Variants in BCL11B observed in about 807,000 individuals in gnomAD.
BCL11B encodes the protein BCL11 transcription factor B.
A neutral mutation model predicts 49.9 loss-of-function variants in BCL11B; 8 were observed. The ratio of observed to expected loss-of-function variants is 0.16; its 90% CI spans 0.09 to 0.29. BCL11B has a LOEUF of 0.29. BCL11B is among the 10% of genes least tolerant of loss of function. The probability of loss-of-function intolerance (pLI) is 1.00; values close to 1 mark genes in which losing one functional copy is unlikely to be tolerated. For missense variants in BCL11B, 1,006 were observed against 1,351.0 expected, an observed-to-expected ratio of 0.74 and a Z score of 4.00; for synonymous variants, 739 against 637.4, an observed-to-expected ratio of 1.16 and a Z score of -2.40.
chr14:99,249,658 A>G (rs1306850501), intron 2 of BCL11B, among the ~76,000 whole-genome samples: 3 of 152,202 alleles, frequency 2.0e-5, no homozygotes, highest in Non-Finnish European at 2.9e-5. Context: ...GACCCTACTC[A>G]CCGCTGTGTG....
chr14:99,257,512 G>A lies in BCL11B; in HGVS notation c.386C>T (p.Ser129Leu). The A allele has an allele frequency of 6.2e-7, 1 of 1,611,950 alleles. No homozygotes were observed. The highest frequency in any genetic ancestry group is 2.2e-5 in the East Asian group (1 of 44,776). The change falls in exon 2 of 4, where the codon TCA becomes TTA. Residue 129 changes from serine to leucine, a missense_variant. Ser to Leu is a moderately radical substitution (Grantham distance 145). Coordinates refer to ENST00000357195, the MANE Select transcript of BCL11B (RefSeq NM_138576.4). This position sits in a 1 kb window ranked among gnomAD's most constrained non-coding sequence, Gnocchi z 6.2. ...CTTGGGACAGATGCCTTTCGTGGGT[G>A]AGAGCAGGTGGTCATCTTCGTCGGG... The part of the protein sequence containing the change: ...VTPDEDDHLL[S>L]PTKGICPKQE...
Position 99,231,642 on chromosome 14 carries a change from G to T in BCL11B, c.428-85C>A. On this transcript the variant is annotated intron_variant, in intron 2 of 3. Transcript: ENST00000357195. The surrounding 1 kb of genome is among the most constrained non-coding windows in gnomAD (Gnocchi z 8.1). ...GGGGTGGGACGGGGCTCGGGGCGTG[G>T]GGCTCTGCTCAGGCCACCCTTCGGG... 1 of 1,397,256 alleles carries T rather than the reference G, an allele frequency of 7.2e-7. No homozygotes were observed. Among genetic ancestry groups the T allele is most frequent in the Non-Finnish European group, 9.8e-7 (1 of 1,020,434 alleles). 86.6% of individuals were successfully genotyped at this position (1,397,256 alleles called of 1,614,324 possible). A position where few individuals can be genotyped will look rare whatever the true frequency, so the allele number is the denominator to read the frequency against.
Position 99,174,271 on chromosome 14 carries a change from G to A in BCL11B, c.2565C>T (p.Arg855=), listed in dbSNP as rs1486593673. ...TGAAGGGCATCTGGCAGATGTCGCA[G>A]CGGTACACCTCCTTGCCGATCTGCC... is the stretch of plus-strand genomic sequence containing the variant. The part of the protein sequence containing the change: ...THGQIGKEVY[R]CDICQMPFSV... Residue 855 remains arginine (R), a synonymous_variant, in exon 4 of 4, where the codon CGC becomes CGT. Coordinates refer to ENST00000357195, the MANE Select transcript of BCL11B (RefSeq NM_138576.4). 2.5e-6 allele frequency: 4 copies of A among 1,613,674 alleles called. No homozygotes were observed. Among genetic ancestry groups the A allele is most frequent in the Non-Finnish European group, 3.4e-6 (4 of 1,180,036 alleles).
At chr14:99,199,835 T>C (rs1479010652) in intron 3 of BCL11B, among the ~76,000 whole-genome samples, 1 of 152,166 alleles carries the variant, frequency 6.6e-6, no homozygotes, top group Non-Finnish European at 1.5e-5. Flanking sequence ...ACAATTATTT[T>C]ATGGGTCCAC....
chr14:99,259,369 T>C (rs866320395), intron 1 of BCL11B, among the ~76,000 whole-genome samples: 8 of 152,360 alleles, frequency 5.3e-5, no homozygotes, highest in Middle Eastern at 3.4e-3. Context: ...TAAATCACTG[T>C]TCTCTATTTT....
At chr14:99,220,995 C>T (rs956629938) in intron 3 of BCL11B, among the ~76,000 whole-genome samples, 19 of 152,020 alleles carry the variant, frequency 1.2e-4, no homozygotes, top group Non-Finnish European at 2.1e-4. Context: ...GGACTATAGG[C>T]GCCCGCCACC....
intron 2 of BCL11B, among the ~76,000 whole-genome samples, chr14:99,234,142 G>A (rs1428903990): frequency 6.6e-6 from 1 of 152,176 alleles, no homozygotes; most frequent in African/African-American, 2.4e-5. Context: ...GCAGTTGCCA[G>A]GGGCTGGGGG....
At chr14:99,271,003 C>T (rs983052347) in intron 1 of BCL11B, among the ~76,000 whole-genome samples, 158 bp downstream of exon 1, 2 of 151,824 alleles carry the variant, frequency 1.3e-5, no homozygotes, top group Admixed American at 6.5e-5. Flanking sequence ...CTATGGCCCC[C>T]GCCCCCCGCC....
chr14:99,238,460 C>T (rs1888567736), intron 2 of BCL11B, among the ~76,000 whole-genome samples: 3 of 152,222 alleles, frequency 2.0e-5, no homozygotes, highest in African/African-American at 7.2e-5. Flanking sequence ...CCTTTCTGCA[C>T]CCTGACCCAA....
intron 2 of BCL11B, among the ~76,000 whole-genome samples, chr14:99,255,405 GAAA>G (rs67440207): frequency 0.029 from 1,897 of 65,042 alleles, 29 homozygotes; most frequent in Admixed American, 0.056. Flanking sequence ...TCACAACCTG[GAAA>G]AAAAAAAAAA....
intron 3 of BCL11B, among the ~76,000 whole-genome samples, chr14:99,178,005 G>A (rs989762291): frequency 6.6e-6 from 1 of 152,108 alleles, no homozygotes; most frequent in Non-Finnish European, 1.5e-5. Flanking sequence ...CCTGAAACTG[G>A]ACTTGCCAGT....
intron 3 of BCL11B, among the ~76,000 whole-genome samples, chr14:99,222,114 A>G (rs370111715): frequency 3.3e-5 from 5 of 152,218 alleles, no homozygotes; most frequent in African/African-American, 1.2e-4. Flanking sequence ...TGTAAAATAT[A>G]CACAGAACAC....
intron 3 of BCL11B, among the ~76,000 whole-genome samples, chr14:99,178,028 G>A (rs1316326500): frequency 2.6e-5 from 4 of 152,128 alleles, no homozygotes; most frequent in Non-Finnish European, 4.4e-5. Flanking sequence ...CTGAGGGGCC[G>A]GGACCTCCCC....
intron 3 of BCL11B, among the ~76,000 whole-genome samples, chr14:99,201,572 T>C (rs1887384712): frequency 6.6e-6 from 1 of 152,148 alleles, no homozygotes; most frequent in Admixed American, 6.5e-5. Flanking sequence ...CCAGTCCCTG[T>C]CCTGGCCCTG....
At chr14:99,219,111 G>A (rs1040757846) in intron 3 of BCL11B, among the ~76,000 whole-genome samples, 10 of 151,364 alleles carry the variant, frequency 6.6e-5, no homozygotes, top group African/African-American at 1.5e-4. Flanking sequence ...GCACGATCTC[G>A]GCTCATGGCA....
chr14:99,214,428 C>T (rs1205338482), intron 3 of BCL11B, among the ~76,000 whole-genome samples: 3 of 151,910 alleles, frequency 2.0e-5, no homozygotes, highest in African/African-American at 7.3e-5. Context: ...CATGGTGGTG[C>T]ATGCCCATAA....
intron 3 of BCL11B, among the ~76,000 whole-genome samples, chr14:99,214,443 A>C (rs1887772599): frequency 6.6e-6 from 1 of 151,966 alleles, no homozygotes; most frequent in Non-Finnish European, 1.5e-5. Context: ...CCATAATCCC[A>C]GCTACTTAGG....
rs1429406530 is a variant in BCL11B, at chr14:99,248,644, G to A, written c.427+8827C>T. ...CACAGCCTGGGGCAGAAAGACCTAA[G>A]CTTTCAATCTAACAGTTTTCATTTT... On this transcript the variant is annotated intron_variant, in intron 2 of 3. Transcript: ENST00000357195. The surrounding 1 kb of genome is among the most constrained non-coding windows in gnomAD (Gnocchi z 4.7). Among the ~76,000 whole-genome samples, 1 of 152,192 alleles carries A rather than the reference G, an allele frequency of 6.6e-6. No individual in the cohort carries two copies. Among genetic ancestry groups the A allele is most frequent in the African/African-American group, 2.4e-5 (1 of 41,454 alleles).
At chr14:99,180,978 T>C (rs1886682814) in intron 3 of BCL11B, among the ~76,000 whole-genome samples, 3 of 152,228 alleles carry the variant, frequency 2.0e-5, no homozygotes, top group Admixed American at 6.5e-5. Context: ...ATTTAAATAA[T>C]TGTTCCTCCT....
Sources: gnomAD v4.1 joint callset for allele counts (sites outside exome capture counted in the v4.1 genomes callset) on GRCh38, gnomAD v4.1.1 for gene constraint, Gnocchi (gnomAD v3.1) non-coding constraint, MANE v1.5 for transcripts, NCBI Gene and HGNC (gene_info 2026-07-23, HGNC 2026-07-21) for gene names.